Variants in BCAS1 observed in about 807,000 individuals in gnomAD.
BCAS1 encodes breast carcinoma-amplified sequence 1.
Under a neutral mutation model 65.4 loss-of-function variants are expected in BCAS1, and 46 were observed. The observed-to-expected ratio is 0.70, with a 90% CI of 0.55 to 0.90. BCAS1 has a LOEUF of 0.90. Among genes scored for constraint, BCAS1 ranks in the 40% least tolerant of loss-of-function variants. The pLI, the probability that BCAS1 is intolerant of heterozygous loss-of-function variation, is 0.00. For missense variants in BCAS1, 793 were observed against 771.2 expected (o/e 1.03, Z -0.33); for synonymous variants, 298 against 293.5 (o/e 1.02, Z -0.16).
chr20:53,951,212 C>A (rs2089511427), intron 12 of BCAS1, among the ~76,000 whole-genome samples: 1 of 152,172 alleles, frequency 6.6e-6, no homozygotes, highest in Non-Finnish European at 1.5e-5. Context: ...GTGGCTCATG[C>A]CTGTAATCCC....
intron 12 of BCAS1, among the ~76,000 whole-genome samples, chr20:53,945,218 C>T (rs1233497714): frequency 6.6e-6 from 1 of 152,110 alleles, no homozygotes; most frequent in East Asian, 1.9e-4. Context: ...AATTACTTAT[C>T]ATCTCTTTGC....
chr20:54,026,649 A>T (rs572996037), intron 4 of BCAS1, among the ~76,000 whole-genome samples: 162 of 152,308 alleles, frequency 1.1e-3, no homozygotes, highest in African/African-American at 3.6e-3. Context: ...CACAACCTCA[A>T]AATGGCCTTA....
At chr20:53,950,336 C>G (rs1476325884) in intron 12 of BCAS1, among the ~76,000 whole-genome samples, 1 of 152,188 alleles carries the variant, frequency 6.6e-6, no homozygotes, top group East Asian at 1.9e-4. Context: ...AAGAAAGAGC[C>G]TTGCTCTCTT....
chr20:54,018,685 A>G (rs1316098306), intron 4 of BCAS1, among the ~76,000 whole-genome samples: 1 of 152,136 alleles, frequency 6.6e-6, no homozygotes, highest in Non-Finnish European at 1.5e-5. Flanking sequence ...ATTGACTCTC[A>G]GGCTGGAATG....
intron 8 of BCAS1, among the ~76,000 whole-genome samples, chr20:53,976,526 T>G (rs1217734168): frequency 6.6e-6 from 1 of 152,166 alleles, no homozygotes; most frequent in Non-Finnish European, 1.5e-5. Context: ...ATCATCTCAC[T>G]TAAAGCACCC....
At chr20:53,992,457 T>C (rs2090785029) in intron 7 of BCAS1, 55 bp downstream of exon 7, 4 of 1,347,032 alleles carry the variant, frequency 3.0e-6, no homozygotes, top group African/African-American at 1.5e-5. Flanking sequence ...GGATGGCACA[T>C]GTCTTGTGAA....
At chr20:54,044,549 A>AT (rs1326502265) in intron 3 of BCAS1, among the ~76,000 whole-genome samples, 5 of 152,088 alleles carry the variant, frequency 3.3e-5, no homozygotes, top group Admixed American at 2.0e-4. Context: ...TGAAGAAGAA[A>AT]TTTTCCGGCC....
At chr20:54,026,728 T>A (rs2091680658) in intron 4 of BCAS1, among the ~76,000 whole-genome samples, 1 of 152,134 alleles carries the variant, frequency 6.6e-6, no homozygotes, top group African/African-American at 2.4e-5. Flanking sequence ...TTCTCCCATA[T>A]GCAGGAATAT....
chr20:54,055,537 C>T (rs1348716093), intron 3 of BCAS1, among the ~76,000 whole-genome samples: 1 of 152,198 alleles, frequency 6.6e-6, no homozygotes, highest in Non-Finnish European at 1.5e-5. Flanking sequence ...TTATCTCCCA[C>T]TGGGTCCCTC....
At chr20:54,066,133 C>T (rs1011150804) in intron 1 of BCAS1, among the ~76,000 whole-genome samples, 44 of 150,026 alleles carry the variant, frequency 2.9e-4, no homozygotes, top group African/African-American at 1.0e-3. Flanking sequence ...AGTGCAGTGG[C>T]GCCATTTCGG....
chr20:54,013,053 A>G, intron 4 of BCAS1, among the ~76,000 whole-genome samples: 1 of 152,224 alleles, frequency 6.6e-6, no homozygotes, highest in Non-Finnish European at 1.5e-5. Flanking sequence ...GCCATACAAC[A>G]TATGTTACCA....
intron 4 of BCAS1, among the ~76,000 whole-genome samples, chr20:54,026,742 C>T (rs1007243143): frequency 2.0e-5 from 3 of 152,124 alleles, no homozygotes; most frequent in East Asian, 1.9e-4. Context: ...GGAATATTGA[C>T]GACTAGTTTA....
intron 4 of BCAS1, among the ~76,000 whole-genome samples, chr20:54,012,596 C>T (rs1443753938): frequency 6.6e-6 from 1 of 151,994 alleles, no homozygotes; most frequent in South Asian, 2.1e-4. Context: ...TGAAATTAAC[C>T]CATAACAATG....
chr20:53,944,955 T>C lies in BCAS1; in HGVS notation c.1857A>G (p.Pro619=), dbSNP rs559865139. ...ATTTGCCAACTGGTCCGATGGATAC[T>C]GGGTCTGTTTGCACTTGAGCATCCA... ...RMLDAQVQTD[P]VSIGPVGKSK Residue 619 remains proline, a synonymous_variant, in exon 13 of 13, where the codon CCA becomes CCG. Coordinates refer to ENST00000688948, the MANE Select transcript of BCAS1 (RefSeq NM_001366298.2). 1.2e-6 allele frequency: 2 copies of C among 1,614,118 alleles called. No homozygotes were observed. The highest frequency in any genetic ancestry group is 2.2e-5 in the East Asian group (1 of 44,866).
intron 1 of BCAS1, among the ~76,000 whole-genome samples, chr20:54,069,254 T>G (rs865963234): frequency 3.3e-5 from 5 of 152,122 alleles, no homozygotes; most frequent in African/African-American, 9.7e-5. Flanking sequence ...GGGGGAACAA[T>G]GTAAGGGACA....
chr20:53,976,360 A>ATGTC (rs2090334003), intron 8 of BCAS1, among the ~76,000 whole-genome samples: 1 of 152,090 alleles, frequency 6.6e-6, no homozygotes, highest in African/African-American at 2.4e-5. Context: ...TAGACCTTCT[A>ATGTC]TGTCTCTCCT....
chr20:54,058,018 G>A lies in BCAS1; in HGVS notation c.142+67C>T, dbSNP rs999713793. 1.5e-5 allele frequency: 16 copies of A among 1,048,952 alleles called. No individual in the cohort carries two copies. The African/African-American group carries it at 1.7e-4, about 11-fold the overall frequency. 65.0% of individuals were successfully genotyped at this position (1,048,952 alleles called of 1,614,324 possible). On this transcript the variant is annotated intron_variant, in intron 3 of 12. Coordinates refer to ENST00000688948, the MANE Select transcript of BCAS1 (RefSeq NM_001366298.2). ...CTTTCATTTTTTTTTTTTTTTCACC[G>A]TAAACAGCATCTGCAGACCCCCCTT...
At position 53,945,003 on chromosome 20, in the gene BCAS1, A is replaced by G; in HGVS notation, c.1816-7T>C. ...CCAACATCCGCTTTGGTCCCTGGAGAAAAACAGAAAGACGTGGCAGCCTAT... is the reference window on the plus strand; with the variant it reads ...CCAACATCCGCTTTGGTCCCTGGAGGAAAACAGAAAGACGTGGCAGCCTAT... On this transcript the variant is annotated splice_region_variant and splice_polypyrimidine_tract_variant and intron_variant, in intron 12 of 12. Coordinates refer to ENST00000688948, the MANE Select transcript of BCAS1 (RefSeq NM_001366298.2). The G allele has an allele frequency of 2.5e-6, 4 of 1,613,882 alleles. No individual in the cohort carries two copies. The highest frequency in any genetic ancestry group is 3.4e-6 in the Non-Finnish European group (4 of 1,179,818).
chr20:53,949,436 T>A (rs1037874769), intron 12 of BCAS1, among the ~76,000 whole-genome samples: 18 of 152,206 alleles, frequency 1.2e-4, no homozygotes, highest in African/African-American at 4.1e-4. Flanking sequence ...AGGACGTCAC[T>A]GTGAGACAAA....
Sources: allele counts gnomAD v4.1 joint callset (sites outside exome capture counted in the v4.1 genomes callset), GRCh38; gene constraint gnomAD v4.1.1; transcripts MANE v1.5; gene names NCBI Gene and HGNC (gene_info 2026-07-23, HGNC 2026-07-21).